ZC3H12B: variants seen among roughly 807,000 people sequenced by gnomAD.
ZC3H12B encodes the protein zinc finger CCCH-type containing 12B.
ZC3H12B carries 7 observed loss-of-function variants against 43.9 expected under a neutral mutation model. The observed-to-expected ratio is 0.16, with a 90% CI of 0.09 to 0.30. The LOEUF is 0.30. Among genes scored for constraint, ZC3H12B ranks in the 10% least tolerant of loss-of-function variants. The pLI, the probability that ZC3H12B is intolerant of heterozygous loss-of-function variation, is 1.00. For missense variants in ZC3H12B, 475 were observed against 670.2 expected, an observed-to-expected ratio of 0.71 and a Z score of 3.22; for synonymous variants, 222 against 241.7, an observed-to-expected ratio of 0.92 and a Z score of 0.76.
At chrX:65,369,996 C>G (rs1222568596) in intron 2 of ZC3H12B, among the ~76,000 whole-genome samples, 2 of 111,158 alleles carry the variant, frequency 1.8e-5, no homozygotes, top group Non-Finnish European at 3.8e-5. Flanking sequence ...CCTGCAATCG[C>G]AGCATTTTGG....
chrX:65,344,002 T>G, the ZC3H12B span, among the ~76,000 whole-genome samples: 1 of 112,161 alleles, frequency 8.9e-6, no homozygotes, highest in Non-Finnish European at 1.9e-5. Context: ...AGAAAATTGA[T>G]GTAAAAAATA....
the ZC3H12B span, among the ~76,000 whole-genome samples, chrX:65,256,045 C>G: frequency 8.9e-6 from 1 of 111,993 alleles, no homozygotes; most frequent in Non-Finnish European, 1.9e-5. Flanking sequence ...AACAAGTTCT[C>G]AGAATCCTAT....
chrX:65,228,374 G>C, the ZC3H12B span, among the ~76,000 whole-genome samples: 76 of 111,321 alleles, frequency 6.8e-4, no homozygotes, highest in African/African-American at 2.4e-3. Flanking sequence ...GGTATTGATG[G>C]GACGTATCTC....
At chrX:65,263,372 G>C in the ZC3H12B span, among the ~76,000 whole-genome samples, 1 of 110,905 alleles carries the variant, frequency 9.0e-6, no homozygotes, top group Non-Finnish European at 1.9e-5. Flanking sequence ...GTCTCGTAGA[G>C]AAATTACGTA....
At chrX:65,428,680 C>T (rs762835840) in intron 3 of ZC3H12B, among the ~76,000 whole-genome samples, 1 of 112,066 alleles carries the variant, frequency 8.9e-6, no homozygotes, top group African/African-American at 3.2e-5. Context: ...TCTTAGCTTC[C>T]AGCATTGGGT....
the ZC3H12B span, among the ~76,000 whole-genome samples, chrX:65,228,586 G>A: frequency 9.0e-6 from 1 of 111,428 alleles, no homozygotes; most frequent in African/African-American, 3.3e-5. Flanking sequence ...AAAAGAGGAA[G>A]TCAAATTGTC....
chrX:65,479,400 C>G (rs2068036971), intron 3 of ZC3H12B, among the ~76,000 whole-genome samples: 1 of 107,074 alleles, frequency 9.3e-6, no homozygotes, highest in Non-Finnish European at 1.9e-5. Flanking sequence ...AGAGTTTCAC[C>G]CTTGTTGCCC....
the ZC3H12B span, among the ~76,000 whole-genome samples, chrX:65,116,129 G>A: frequency 0.12 from 13,069 of 110,611 alleles, 1,872 homozygotes; most frequent in African/African-American, 0.4. Flanking sequence ...TGCCTAAGCC[G>A]ATTTCCAGAA....
the ZC3H12B span, chrX:65,331,057 T>A: frequency 9.1e-6 from 3 of 330,725 alleles, no homozygotes; most frequent in Admixed American, 6.4e-5. Flanking sequence ...AGTACTCTGT[T>A]CTCTGGAATG....
At chrX:65,457,583 G>A (rs1221534912) in intron 3 of ZC3H12B, among the ~76,000 whole-genome samples, 2 of 82,251 alleles carry the variant, frequency 2.4e-5, no homozygotes, top group Non-Finnish European at 4.0e-5. Context: ...GGCTCACTGG[G>A]GATGGGCCAT....
At chrX:65,373,848 C>A (rs1196938633) in intron 2 of ZC3H12B, among the ~76,000 whole-genome samples, 1 of 62,401 alleles carries the variant, frequency 1.6e-5, no homozygotes, top group African/African-American at 5.1e-5. Flanking sequence ...ACATATATAA[C>A]AAACCTACGC....
At chrX:65,101,920 G>T in the ZC3H12B span, among the ~76,000 whole-genome samples, 2 of 112,176 alleles carry the variant, frequency 1.8e-5, no homozygotes, top group African/African-American at 6.5e-5. Context: ...ACCTGGCAGA[G>T]ACACAACAAG....
At chrX:65,429,755 C>A (rs1405966127) in intron 3 of ZC3H12B, among the ~76,000 whole-genome samples, 1 of 112,078 alleles carries the variant, frequency 8.9e-6, no homozygotes, top group Admixed American at 9.4e-5. Flanking sequence ...GCAGGGAGGT[C>A]CCATTCAGTG....
chrX:65,175,521 G>A, the ZC3H12B span, among the ~76,000 whole-genome samples: 6 of 112,152 alleles, frequency 5.3e-5, no homozygotes, highest in South Asian at 3.6e-4. Flanking sequence ...TTTTGAGCAA[G>A]TGAAATATTC....
the ZC3H12B span, among the ~76,000 whole-genome samples, chrX:65,348,639 T>A: frequency 7.9e-5 from 8 of 101,797 alleles, no homozygotes; most frequent in African/African-American, 2.9e-4. Flanking sequence ...AAGACACACA[T>A]AGGCTCAAAA....
the ZC3H12B span, among the ~76,000 whole-genome samples, chrX:65,263,194 A>T: frequency 9.0e-6 from 1 of 111,632 alleles, no homozygotes; most frequent in South Asian, 3.6e-4. Context: ...CTTGATAAAT[A>T]GTCATGCTAT....
chrX:65,202,065 T>C, the ZC3H12B span, among the ~76,000 whole-genome samples: 1 of 85,058 alleles, frequency 1.2e-5, no homozygotes, highest in Non-Finnish European at 2.1e-5. Context: ...TTATATGTAA[T>C]ATATATATTA....
the ZC3H12B span, among the ~76,000 whole-genome samples, chrX:65,184,722 G>C: frequency 9.0e-6 from 1 of 111,401 alleles, no homozygotes; most frequent in Non-Finnish European, 1.9e-5. Context: ...TCTTACTAGA[G>C]AAACATGGTA....
the ZC3H12B span, among the ~76,000 whole-genome samples, chrX:65,192,871 T>G: frequency 2.7e-5 from 3 of 111,243 alleles, no homozygotes; most frequent in Non-Finnish European, 5.7e-5. Context: ...TCGACTAGTT[T>G]CAAGCGATTT....
Sources: allele counts gnomAD v4.1 joint callset (sites outside exome capture counted in the v4.1 genomes callset), GRCh38; gene constraint gnomAD v4.1.1; transcripts MANE v1.5; gene names NCBI Gene and HGNC (gene_info 2026-07-23, HGNC 2026-07-21).